The following RPS3A variants were observed in gnomAD, a reference collection of about 807,000 sequenced individuals.
The protein encoded by RPS3A is ribosomal protein S3A, also known as small ribosomal subunit protein eS1.
In RPS3A, 1 loss-of-function variant was observed where a neutral mutation model predicts 26.4. That is an observed-to-expected ratio of 0.04 (90% CI 0.01 to 0.18). The LOEUF (loss-of-function observed/expected upper bound fraction) is 0.18. Among genes scored for constraint, RPS3A ranks in the 10% least tolerant of loss-of-function variants. The probability of loss-of-function intolerance (pLI) is 1.00; values close to 1 mark genes in which losing one functional copy is unlikely to be tolerated. For synonymous variants in RPS3A, 97 were observed against 106.1 expected, an observed-to-expected ratio of 0.91 and a Z score of 0.53; for missense variants, 139 against 326.8, an observed-to-expected ratio of 0.43 and a Z score of 4.43.
At chr4:151,103,191 A>G in intron 4 of RPS3A, 112 bp downstream of exon 4, 4 of 1,451,676 alleles carry the variant, frequency 2.8e-6, no homozygotes, top group South Asian at 2.8e-5. Flanking sequence ...CTGTCTGTGA[A>G]TCCTTCTAGC....
chr4:151,100,394 T>G (rs1256204416), intron 1 of RPS3A, 91 bp from the exon 2 acceptor site: 1 of 766,564 alleles, frequency 1.3e-6, no homozygotes, highest in East Asian at 2.5e-5. Context: ...CCGGTTAGCT[T>G]TTTAAAATAT....
chr4:151,104,470 A>AGG lies in RPS3A; in HGVS notation c.674-1_674insGG. The AGG allele has an allele frequency of 3.4e-6, 1 of 296,406 alleles. No individual in the cohort carries two copies. Among genetic ancestry groups the AGG allele is most frequent in the Non-Finnish European group, 4.5e-6 (1 of 222,322 alleles). The allele number at this position is 296,406 out of a possible 1,614,324, so 18.4% of individuals were successfully genotyped here. A position where few individuals can be genotyped will look rare whatever the true frequency, so the allele number is the denominator to read the frequency against. On this transcript the variant is annotated splice_acceptor_variant, in intron 5 of 5. Transcript: ENST00000274065. LOFTEE classifies it high-confidence loss of function. ...TTTTTTTTTTTTTTTTTTGCCTTTT[A>AGG]GTGGGAAAGCTCATGGAGCTTCATG...
intron 3 of RPS3A, among the ~76,000 whole-genome samples, chr4:151,102,587 G>C (rs1211967969): frequency 6.6e-6 from 1 of 152,124 alleles, no homozygotes; most frequent in African/African-American, 2.4e-5. Flanking sequence ...ATATGCAATG[G>C]ATGTGGGTTT....
intron 3 of RPS3A, 121 bp from the exon 4 acceptor site, chr4:151,102,748 TTA>T (rs1259927899): frequency 1.8e-6 from 2 of 1,115,812 alleles, no homozygotes; most frequent in East Asian, 2.6e-5. Context: ...GAGATGTTAC[TTA>T]TGTTAGGATA....
At chr4:151,099,876 G>A in intron 1 of RPS3A, 162 bp downstream of exon 1, 1 of 774,140 alleles carries the variant, frequency 1.3e-6, no homozygotes, top group Non-Finnish European at 2.2e-6. Flanking sequence ...GGTCGGTGTT[G>A]AGTAGCGGCA....
At chr4:151,103,413 C>A in intron 4 of RPS3A, 1 of 676,190 alleles carries the variant, frequency 1.5e-6, no homozygotes, top group Non-Finnish European at 1.9e-6. Flanking sequence ...GCCACCATAC[C>A]CAGCTAATTT....
intron 3 of RPS3A, chr4:151,102,611 ATAGTGG>A (rs1205918315): frequency 2.1e-6 from 1 of 465,202 alleles, no homozygotes; most frequent in East Asian, 4.1e-5. Context: ...TGCCGTCAAG[ATAGTGG>A]TAGTGTTAAT....
chr4:151,103,823 C>T (rs766241540), intron 4 of RPS3A: 60 of 1,366,286 alleles, frequency 4.4e-5, no homozygotes, highest in Middle Eastern at 2.1e-4. Context: ...TAATGATGCA[C>T]GGGAATAAGT....
At position 151,100,479 on chromosome 4, in the gene RPS3A, A is replaced by T. The variant is rs73859998; in HGVS notation, c.63-6A>T. ...AATGGAACTTAAGCATCTTCTTAAAATCCAGGGTTGATCCATTTTCTAAGA... is the reference window on the plus strand; with the variant it reads ...AATGGAACTTAAGCATCTTCTTAAATTCCAGGGTTGATCCATTTTCTAAGA... On this transcript the variant is annotated splice_polypyrimidine_tract_variant and splice_region_variant and intron_variant, in intron 1 of 5. Coordinates refer to ENST00000274065, the MANE Select transcript of RPS3A (RefSeq NM_001006.5). 5.9e-3 allele frequency: 8,853 copies of T among 1,507,156 alleles called. 363 individuals carry two copies. In the African/African-American group the frequency reaches 0.098, roughly 17 times the overall value. The allele number at this position is 1,507,156 out of a possible 1,614,324, so 93.4% of individuals were successfully genotyped here.
chr4:151,104,040 A>G, intron 4 of RPS3A, 137 bp from the exon 5 acceptor site: 2 of 1,489,180 alleles, frequency 1.3e-6, no homozygotes, highest in Non-Finnish European at 1.8e-6. Context: ...GCTTATCTTA[A>G]CAGGAGGATT....
chr4:151,104,429 C>CA (rs1227911814), intron 5 of RPS3A, 43 bp from the exon 6 acceptor site: 1 of 766,594 alleles, frequency 1.3e-6, no homozygotes, highest in Admixed American at 6.6e-5. Context: ...GATATACTAA[C>CA]AGTTTTTTGG....
In RPS3A at chr4:151,101,122, T is replaced by C. The variant is rs1171418820; in HGVS notation, c.314T>C (p.Leu105Pro). 1 of 1,606,642 alleles carries C rather than the reference T, an allele frequency of 6.2e-7. No individual in the cohort carries two copies. The highest frequency in any genetic ancestry group is 1.3e-5 in the African/African-American group (1 of 74,808). ...CTGACTAACTTCCATGGCATGGATC[T>C]TACCCGTGACAAAATGTGTTCCATG... Reference protein sequence around the residue: ...NCLTNFHGMDLTRDKMCSMVK... With the variant: ...NCLTNFHGMDPTRDKMCSMVK... Residue 105 changes from leucine to proline, a missense_variant, in exon 3 of 6, where the codon CTT (leucine) becomes CCT (proline). Physicochemically the swap from Leu to Pro is moderately conservative, Grantham distance 98. Transcript: ENST00000274065.
chr4:151,102,775 A>G lies in RPS3A; in HGVS notation c.355-96A>G, dbSNP rs1747186878. ...ATGTTAGGATACTTTATATTTAATAATGAGTGTTTGACAATCCAGCTTTTT... is the reference window on the plus strand; with the variant it reads ...ATGTTAGGATACTTTATATTTAATAGTGAGTGTTTGACAATCCAGCTTTTT... On this transcript the variant is annotated intron_variant, in intron 3 of 5. Transcript: ENST00000274065. 3.1e-6 allele frequency: 4 copies of G among 1,286,606 alleles called. No homozygotes were observed. In the African/African-American group the frequency reaches 6.0e-5, roughly 19 times the overall value. 79.7% of individuals were successfully genotyped at this position (1,286,606 alleles called of 1,614,324 possible). A position where few individuals can be genotyped will look rare whatever the true frequency, so the allele number is the denominator to read the frequency against.
intron 1 of RPS3A, 133 bp downstream of exon 1, chr4:151,099,847 C>T (rs1747037311): frequency 1.0e-6 from 1 of 989,816 alleles, no homozygotes; most frequent in Admixed American, 2.0e-5. Context: ...GTTGGTGCAC[C>T]CAGGAACGCG....
intron 5 of RPS3A, 81 bp downstream of exon 5, chr4:151,104,367 CCTT>C (rs926321107): frequency 1.7e-5 from 26 of 1,518,538 alleles, no homozygotes; most frequent in Middle Eastern, 1.8e-4. Flanking sequence ...CATATCATGG[CCTT>C]CTTTTTCTTC....
chr4:151,104,371 C>G (rs917250462), intron 5 of RPS3A, 85 bp downstream of exon 5: 1 of 1,454,118 alleles, frequency 6.9e-7, no homozygotes, highest in South Asian at 1.3e-5. Context: ...TCATGGCCTT[C>G]TTTTTCTTCC....
At chr4:151,100,330 G>C (rs773048028) in intron 1 of RPS3A, 155 bp from the exon 2 acceptor site, 28 of 591,422 alleles carry the variant, frequency 4.7e-5, no homozygotes, top group Non-Finnish European at 7.5e-5. Context: ...GGAAGAGCTA[G>C]ATTTATGTTT....
At chr4:151,099,769 G>A (rs1027384400) in intron 1 of RPS3A, 55 bp downstream of exon 1, 1 of 1,554,012 alleles carries the variant, frequency 6.4e-7, no homozygotes, top group Non-Finnish European at 8.8e-7. Context: ...GGAATCGGCG[G>A]GCTGGTCCTA....
intron 2 of RPS3A, 88 bp downstream of exon 2, chr4:151,100,676 TGGG>T: frequency 1.2e-6 from 1 of 806,294 alleles, no homozygotes; most frequent in Non-Finnish European, 2.1e-6. Context: ...GGTCCTGTGG[TGGG>T]AGACTTTAAG....
Sources: allele counts gnomAD v4.1 joint callset (sites outside exome capture counted in the v4.1 genomes callset), GRCh38; gene constraint gnomAD v4.1.1; transcripts MANE v1.5; gene names NCBI Gene and HGNC (gene_info 2026-07-23, HGNC 2026-07-21).